The following ATP6V1H variants were observed in gnomAD, a reference collection of about 807,000 sequenced individuals.
ATP6V1H encodes ATPase H+ transporting V1 subunit H, also known as V-type proton ATPase subunit H.
A neutral mutation model predicts 71.7 loss-of-function variants in ATP6V1H; 39 were observed. The ratio of observed to expected loss-of-function variants is 0.54; its 90% CI spans 0.42 to 0.71. The LOEUF (loss-of-function observed/expected upper bound fraction) is 0.71, where lower values mean the gene tolerates loss of function less well. Ranked by LOEUF, ATP6V1H falls within the 30% of genes least tolerant of loss-of-function variation. The pLI is 0.00. For synonymous variants in ATP6V1H, 192 were observed against 199.3 expected (o/e 0.96, Z 0.31); for missense variants, 509 against 594.9 (o/e 0.86, Z 1.50).
intron 5 of ATP6V1H, among the ~76,000 whole-genome samples, chr8:53,815,390 G>A (rs1489077700): frequency 2.0e-5 from 3 of 152,154 alleles, no homozygotes; most frequent in Non-Finnish European, 2.9e-5. Context: ...TATCAGTACT[G>A]AGAGCAAATC....
intron 3 of ATP6V1H, 52 bp downstream of exon 3, chr8:53,832,932 A>C: frequency 3.9e-6 from 5 of 1,282,926 alleles, no homozygotes; most frequent in Non-Finnish European, 5.5e-6. Context: ...AGATTTTTCT[A>C]AACTTTTGGA....
intron 12 of ATP6V1H, among the ~76,000 whole-genome samples, chr8:53,754,387 AGTT>A (rs917023484): frequency 1.3e-5 from 2 of 152,262 alleles, no homozygotes; most frequent in Admixed American, 1.3e-4. Flanking sequence ...CCACTTAATT[AGTT>A]TTATATGCCA....
At chr8:53,751,376 G>A (rs1036608116) in intron 12 of ATP6V1H, among the ~76,000 whole-genome samples, 1 of 152,178 alleles carries the variant, frequency 6.6e-6, no homozygotes, top group African/African-American at 2.4e-5. Flanking sequence ...GGATAAAAAG[G>A]CTGTACTAAC....
At chr8:53,783,186 TTG>T (rs1417978014) in intron 9 of ATP6V1H, among the ~76,000 whole-genome samples, 3 of 152,094 alleles carry the variant, frequency 2.0e-5, no homozygotes, top group Non-Finnish European at 4.4e-5. Context: ...CTTTTTTTGG[TTG>T]GTAAGCTATT....
At chr8:53,829,345 G>C (rs1402842369) in intron 4 of ATP6V1H, 99 bp downstream of exon 4, 1 of 761,534 alleles carries the variant, frequency 1.3e-6, no homozygotes. Context: ...CTCTAGAAGA[G>C]AACAAATGTT....
intron 2 of ATP6V1H, among the ~76,000 whole-genome samples, chr8:53,836,342 C>T (rs1014799033): frequency 5.9e-5 from 9 of 152,154 alleles, no homozygotes; most frequent in Non-Finnish European, 1.2e-4. Context: ...ACTTGGTAAC[C>T]TTATAATTTT....
rs1377975287 is a variant in ATP6V1H, at chr8:53,769,629, A to G, written c.1164T>C (p.Tyr388=). 3 of 1,612,612 alleles carry G rather than the reference A, an allele frequency of 1.9e-6. No homozygotes were observed. The Admixed American group carries it at 5.0e-5, about 27-fold the overall frequency. ...AACAAAAAACTTACTTCAAGAGTTCATAATTCTTCTCATTTAACCTCACAG... is the reference window on the plus strand; with the variant it reads ...AACAAAAAACTTACTTCAAGAGTTCGTAATTCTTCTCATTTAACCTCACAG... ...ENAVRLNEKN[Y]ELLKILTKLL... is the part of the protein sequence containing the mutation. The change falls in exon 11 of 14, where the codon TAT becomes TAC. Residue 388 remains tyrosine (Y), a synonymous_variant. Coordinates refer to ENST00000359530, the MANE Select transcript of ATP6V1H (RefSeq NM_015941.4).
chr8:53,821,411 G>T (rs182358819), intron 4 of ATP6V1H, among the ~76,000 whole-genome samples: 334 of 151,438 alleles, frequency 2.2e-3, no homozygotes, highest in African/African-American at 7.6e-3. Context: ...GTCCAGGTGC[G>T]ATGGCTCACA....
chr8:53,732,977 C>A (rs1298074907), intron 13 of ATP6V1H, among the ~76,000 whole-genome samples: 14 of 152,310 alleles, frequency 9.2e-5, no homozygotes, highest in Admixed American at 9.1e-4. Flanking sequence ...TATGCAAATG[C>A]CCCTGACGGA....
In ATP6V1H at chr8:53,782,936, C is replaced by T. The variant is rs1171726235; in HGVS notation, c.871-10769G>A. ...AAGCTTTTTGATGTGCTGCTGGATT[C>T]GGTTTGCCAGTATTTTATTGAGGAT... On this transcript the variant is annotated intron_variant, in intron 9 of 13. Transcript: ENST00000359530. Among the ~76,000 whole-genome samples the T allele has an allele frequency of 3.5e-3, 530 of 152,154 alleles. 3 individuals are homozygous for T. Among genetic ancestry groups the T allele is most frequent in the African/African-American group, 0.012 (487 of 41,496 alleles).
chr8:53,731,412 T>C (rs577511830), intron 13 of ATP6V1H, among the ~76,000 whole-genome samples: 3 of 152,308 alleles, frequency 2.0e-5, no homozygotes, highest in African/African-American at 4.8e-5. Context: ...CCTGGTCTGG[T>C]AGTTAAAAAT....
chr8:53,723,453 G>C (rs368755415), intron 13 of ATP6V1H, among the ~76,000 whole-genome samples: 2 of 152,008 alleles, frequency 1.3e-5, no homozygotes, highest in South Asian at 4.2e-4. Context: ...CACAACCACT[G>C]TCTCTAAAAT....
chr8:53,839,803 A>G (rs1177329142), intron 2 of ATP6V1H: 1 of 985,432 alleles, frequency 1.0e-6, no homozygotes, highest in South Asian at 4.7e-5. Flanking sequence ...TCTGTTTTAC[A>G]TGCTAACTTC....
At chr8:53,827,211 C>T (rs1208767688) in intron 4 of ATP6V1H, among the ~76,000 whole-genome samples, 1 of 151,576 alleles carries the variant, frequency 6.6e-6, no homozygotes, top group African/African-American at 2.4e-5. Context: ...GGTGAAACCT[C>T]GTCTCTACTA....
chr8:53,792,861 T>A (rs1323559256), intron 9 of ATP6V1H, among the ~76,000 whole-genome samples: 1 of 152,258 alleles, frequency 6.6e-6, no homozygotes, highest in Non-Finnish European at 1.5e-5. Flanking sequence ...AAAGCACGCA[T>A]CATATTGCCT....
intron 13 of ATP6V1H, among the ~76,000 whole-genome samples, chr8:53,724,601 G>A (rs977755962): frequency 6.7e-5 from 1 of 15,026 alleles, no homozygotes; most frequent in African/African-American, 2.4e-4. Context: ...CCTCCTCCCC[G>A]CCCCACCCCG....
At chr8:53,770,815 G>A (rs929654639) in intron 10 of ATP6V1H, among the ~76,000 whole-genome samples, 3 of 152,030 alleles carry the variant, frequency 2.0e-5, no homozygotes, top group Non-Finnish European at 2.9e-5. Flanking sequence ...TGATTATTAC[G>A]GAGAACCAGT....
intron 4 of ATP6V1H, among the ~76,000 whole-genome samples, chr8:53,827,420 G>A (rs1810858893): frequency 6.6e-6 from 1 of 151,904 alleles, no homozygotes; most frequent in Non-Finnish European, 1.5e-5. Flanking sequence ...ATAATGAAAT[G>A]CACAAGGATG....
At chr8:53,725,890 C>T (rs938240080) in intron 13 of ATP6V1H, among the ~76,000 whole-genome samples, 1 of 152,004 alleles carries the variant, frequency 6.6e-6, no homozygotes, top group Admixed American at 6.6e-5. Flanking sequence ...TTCCTAAAAG[C>T]ATAATATATG....
Sources: gnomAD v4.1 joint callset for allele counts (sites outside exome capture counted in the v4.1 genomes callset) on GRCh38, gnomAD v4.1.1 for gene constraint, MANE v1.5 for transcripts, NCBI Gene and HGNC (gene_info 2026-07-23, HGNC 2026-07-21) for gene names.